Variants in CSNK1E observed in about 807,000 individuals in gnomAD.
CSNK1E encodes casein kinase 1 epsilon, also known as casein kinase I isoform epsilon.
In CSNK1E, 17 loss-of-function variants were observed where a neutral mutation model predicts 46.1. The observed-to-expected ratio is 0.37, with a 90% CI of 0.25 to 0.55. CSNK1E has a LOEUF of 0.55. CSNK1E is among the 20% of genes least tolerant of loss of function. CSNK1E has a pLI of 0.82. For synonymous variants in CSNK1E, 241 were observed against 242.6 expected (o/e 0.99, Z 0.06); for missense variants, 386 against 595.4 (o/e 0.65, Z 3.66).
At position 38,303,316 on chromosome 22, in the gene CSNK1E, T is replaced by C; in HGVS notation, c.77-68A>G. On this transcript the variant is annotated intron_variant, in intron 2 of 10. Transcript: ENST00000396832. This position sits in a 1 kb window ranked among gnomAD's most constrained non-coding sequence, Gnocchi z 4.7. ...GGCCAGGCAGTCCCAGGCGCCCCAC[T>C]AAGCATTTCTGAGATCTGGCGTGTG... 1 of 1,343,702 alleles carries C rather than the reference T, an allele frequency of 7.4e-7. No individual in the cohort carries two copies. Among genetic ancestry groups the C allele is most frequent in the South Asian group, 1.3e-5 (1 of 77,458 alleles). The allele number at this position is 1,343,702 out of a possible 1,614,324, so 83.2% of individuals were successfully genotyped here.
At position 38,300,113 on chromosome 22, in the gene CSNK1E, C is replaced by A. The variant is rs1349643454; in HGVS notation, c.566-48G>T. 1 of 1,573,460 alleles carries A rather than the reference C, an allele frequency of 6.4e-7. No individual in the cohort carries two copies. The highest frequency in any genetic ancestry group is 8.7e-7 in the Non-Finnish European group (1 of 1,152,160). On this transcript the variant is annotated intron_variant, in intron 5 of 10. Coordinates refer to ENST00000396832, the MANE Select transcript of CSNK1E (RefSeq NM_152221.3). The surrounding 1 kb of genome is among the most constrained non-coding windows in gnomAD (Gnocchi z 4.4). ...GGTGAGGGACAGGGGTCCACTCAGG[C>A]CCCTAACTCATCCTCTGGGTCATGC...
chr22:38,307,813 C>G (rs2092704954), intron 2 of CSNK1E, among the ~76,000 whole-genome samples: 2 of 152,206 alleles, frequency 1.3e-5, no homozygotes, highest in Admixed American at 1.3e-4. Context: ...CCTCCCACTT[C>G]AGCCTCTCGA....
intron 2 of CSNK1E, among the ~76,000 whole-genome samples, chr22:38,312,633 T>C (rs1223833970): frequency 6.6e-6 from 1 of 152,164 alleles, no homozygotes; most frequent in Admixed American, 6.5e-5. Context: ...TAGGGGAGGC[T>C]CATCTACTAA....
chr22:38,311,806 TTC>T (rs2092722164), intron 2 of CSNK1E, among the ~76,000 whole-genome samples: 1 of 146,284 alleles, frequency 6.8e-6, no homozygotes, highest in Admixed American at 7.0e-5. Flanking sequence ...TTTTCTTTCC[TTC>T]TTTTTTTTTT....
At position 38,300,025 on chromosome 22, in the gene CSNK1E, C is replaced by T. The variant is rs1323821406; in HGVS notation, c.606G>A (p.Val202=). 2 of 1,614,138 alleles carry T rather than the reference C, an allele frequency of 1.2e-6. No individual in the cohort carries two copies. The highest frequency in any genetic ancestry group is 1.7e-6 in the Non-Finnish European group (2 of 1,180,036). The change falls in exon 6 of 11, where the codon GTG becomes GTA. Residue 202 remains valine, a synonymous_variant. Coordinates refer to ENST00000396832, the MANE Select transcript of CSNK1E (RefSeq NM_152221.3). The surrounding 1 kb of genome is among the most constrained non-coding windows in gnomAD (Gnocchi z 4.4). ...GGGAGCCCAGGTTGAAGTACATGAG[C>T]ACGTAGCCCAGGCTCTCCAGGTCAT... is the stretch of plus-strand genomic sequence containing the variant. ...RRDDLESLGY[V]LMYFNLGSLP...
chr22:38,297,080 T>G (rs1915417574), intron 7 of CSNK1E: 2 of 769,972 alleles, frequency 2.6e-6, no homozygotes, highest in Non-Finnish European at 4.8e-6. Flanking sequence ...GGCCGACATT[T>G]CCAGTCTTGA....
At position 38,303,930 on chromosome 22, in the gene CSNK1E, C is replaced by T. The variant is rs1000466324; in HGVS notation, c.77-682G>A. ...GTCAGAGGTCCTGCCTGCACCTCCC[C>T]GTCTCCCCCAGTCCACTCCTGGCTT... On this transcript the variant is annotated intron_variant, in intron 2 of 10. Coordinates refer to ENST00000396832, the MANE Select transcript of CSNK1E (RefSeq NM_152221.3). This position sits in a 1 kb window ranked among gnomAD's most constrained non-coding sequence, Gnocchi z 4.7. Among the ~76,000 whole-genome samples, 2 of 152,292 alleles carry T rather than the reference C, an allele frequency of 1.3e-5. No individual in the cohort carries two copies. Among genetic ancestry groups the T allele is most frequent in the South Asian group, 2.1e-4 (1 of 4,824 alleles).
At chr22:38,295,842 C>A (rs570673392) in intron 7 of CSNK1E, among the ~76,000 whole-genome samples, 1 of 152,346 alleles carries the variant, frequency 6.6e-6, no homozygotes, top group South Asian at 2.1e-4. Flanking sequence ...GGGGCTCTAA[C>A]TCCTGACCTC....
At chr22:38,315,186 C>T (rs2092738846) in intron 1 of CSNK1E, among the ~76,000 whole-genome samples, 1 of 152,236 alleles carries the variant, frequency 6.6e-6, no homozygotes, top group South Asian at 2.1e-4. Context: ...ACCTGGTGGT[C>T]TCCCACACTC....
At chr22:38,317,727 G>A (rs2092756035), upstream of CSNK1E, among the ~76,000 whole-genome samples, 1 of 152,048 alleles carries the variant, frequency 6.6e-6, no homozygotes, top group African/African-American at 2.4e-5. Context: ...GTGAGGGGAT[G>A]GGAGGGGAGG....
At chr22:38,310,194 C>A (rs141324083) in intron 2 of CSNK1E, among the ~76,000 whole-genome samples, 2 of 152,104 alleles carry the variant, frequency 1.3e-5, no homozygotes, top group Non-Finnish European at 2.9e-5. Flanking sequence ...GCCCCACATG[C>A]GAAGGCCTAG....
rs1405659534 is a variant in CSNK1E, at chr22:38,309,124, G to GT, written c.76+4957dup. Among the ~76,000 whole-genome samples the GT allele has an allele frequency of 1.3e-5, 2 of 152,196 alleles. No individual in the cohort carries two copies. The highest frequency in any genetic ancestry group is 2.9e-5 in the Non-Finnish European group (2 of 68,036). ...CAGGGCACCCCTTTCCCCCTGAATT[G>GT]TAACAACCAAAAGGTCTCCAGATCT... On this transcript the variant is annotated intron_variant, in intron 2 of 10. Coordinates refer to ENST00000396832, the MANE Select transcript of CSNK1E (RefSeq NM_152221.3). This position sits in a 1 kb window ranked among gnomAD's most constrained non-coding sequence, Gnocchi z 4.8.
In CSNK1E at chr22:38,294,079, C is replaced by T; in HGVS notation, c.1218+30G>A. 1.2e-6 allele frequency: 2 copies of T among 1,602,234 alleles called. No homozygotes were observed. Among genetic ancestry groups the T allele is most frequent in the Non-Finnish European group, 8.5e-7 (1 of 1,177,674 alleles). ...GGGGGTCTCTAACTCAGTTCTGAGG[C>T]CCAGAGGGACTGGCAGGGGGGCAGC... is the stretch of plus-strand genomic sequence containing the variant. On this transcript the variant is annotated intron_variant, in intron 9 of 10. Coordinates refer to ENST00000396832, the MANE Select transcript of CSNK1E (RefSeq NM_152221.3). The surrounding 1 kb of genome is among the most constrained non-coding windows in gnomAD (Gnocchi z 5.5).
intron 6 of CSNK1E, among the ~76,000 whole-genome samples, chr22:38,299,232 C>T (rs916616204): frequency 6.6e-6 from 1 of 152,224 alleles, no homozygotes; most frequent in Non-Finnish European, 1.5e-5. Context: ...TTCCGCTGCC[C>T]TCGCCAAGCA....
In CSNK1E at chr22:38,300,068, GCA is replaced by G. The variant is rs778643708; in HGVS notation, c.566-5_566-4del. On this transcript the variant is annotated splice_polypyrimidine_tract_variant and splice_region_variant and intron_variant, in intron 5 of 10. Coordinates refer to ENST00000396832, the MANE Select transcript of CSNK1E (RefSeq NM_152221.3). The surrounding 1 kb of genome is among the most constrained non-coding windows in gnomAD (Gnocchi z 4.4). ...CAGGTCATCTCGACGGCTTTGCTCT[GCA>G]CAGAGAGTCAAAGACTAGGTGAGGG... 4 of 1,612,918 alleles carry G rather than the reference GCA, an allele frequency of 2.5e-6. No individual in the cohort carries two copies. Among genetic ancestry groups the G allele is most frequent in the Admixed American group, 1.7e-5 (1 of 59,946 alleles).
chr22:38,304,400 A>G (rs2092688854), intron 2 of CSNK1E, among the ~76,000 whole-genome samples: 1 of 152,182 alleles, frequency 6.6e-6, no homozygotes, highest in African/African-American at 2.4e-5. Context: ...TATATAAGAA[A>G]TAAAGGTGTG....
Position 38,303,174 on chromosome 22 carries a change from T to C in CSNK1E, c.151A>G (p.Ile51Val). 6.2e-7 allele frequency: 1 copy of C among 1,610,732 alleles called. No homozygotes were observed. Among genetic ancestry groups the C allele is most frequent in the Non-Finnish European group, 8.5e-7 (1 of 1,179,032 alleles). The change falls in exon 3 of 11, where the codon ATC becomes GTC. Residue 51 changes from isoleucine to valine, a missense_variant. Physicochemically the swap from Ile to Val is conservative, Grantham distance 29 (BLOSUM62 3). This residue lies in a region of CSNK1E where 212 missense variants were observed against 410.2 expected (regional missense o/e 0.52). Coordinates refer to ENST00000396832, the MANE Select transcript of CSNK1E (RefSeq NM_152221.3). The surrounding 1 kb of genome is among the most constrained non-coding windows in gnomAD (Gnocchi z 4.7). ...CVKTKHPQLH[I>V]ESKFYKMMQG... Reference sequence around the variant, plus strand: ...ATCATCTTGTAGAACTTGCTCTCGATGTGCAGCTGGGGGTGCTTTGTCTTC... The same window carrying C: ...ATCATCTTGTAGAACTTGCTCTCGACGTGCAGCTGGGGGTGCTTTGTCTTC...
intron 7 of CSNK1E, chr22:38,297,258 T>C (rs2092645881): frequency 1.5e-6 from 1 of 677,422 alleles, no homozygotes; most frequent in Non-Finnish European, 2.7e-6. Context: ...AAGTGCCCAG[T>C]GCCCAATGCC....
At position 38,300,398 on chromosome 22, in the gene CSNK1E, C is replaced by G. The variant is rs1377752877; in HGVS notation, c.565+326G>C. Among the ~76,000 whole-genome samples, 2 of 152,206 alleles carry G rather than the reference C, an allele frequency of 1.3e-5. No homozygotes were observed. Among genetic ancestry groups the G allele is most frequent in the African/African-American group, 2.4e-5 (1 of 41,440 alleles). Reference sequence around the variant, plus strand: ...GCATCAGACAGGGCCGGGGTCAAGTCCAGCTTTGGCATTAGCTAAGCTGCA... The same window carrying G: ...GCATCAGACAGGGCCGGGGTCAAGTGCAGCTTTGGCATTAGCTAAGCTGCA... On this transcript the variant is annotated intron_variant, in intron 5 of 10. Coordinates refer to ENST00000396832, the MANE Select transcript of CSNK1E (RefSeq NM_152221.3). This position sits in a 1 kb window ranked among gnomAD's most constrained non-coding sequence, Gnocchi z 4.4.
Sources: gnomAD v4.1 joint callset for allele counts (sites outside exome capture counted in the v4.1 genomes callset) on GRCh38, gnomAD v4.1.1 for gene constraint, gnomAD v4.1.1 regional missense constraint, Gnocchi (gnomAD v3.1) non-coding constraint, MANE v1.5 for transcripts, NCBI Gene and HGNC (gene_info 2026-07-23, HGNC 2026-07-21) for gene names.